NATD1: variants seen among roughly 807,000 people sequenced by gnomAD.
The protein encoded by NATD1 is N-acetyltransferase domain containing 1, also known as protein NATD1.
In NATD1, 9 loss-of-function variants were observed where a neutral mutation model predicts 12.0. The observed-to-expected ratio is 0.75, with a 90% CI of 0.45 to 1.30. The LOEUF (loss-of-function observed/expected upper bound fraction) is 1.30. Ranked by LOEUF, NATD1 falls within the 50% of genes most tolerant of loss-of-function variation. The probability of loss-of-function intolerance (pLI) is 0.00; values close to 1 mark genes in which losing one functional copy is unlikely to be tolerated. For synonymous variants in NATD1, 71 were observed against 65.9 expected (o/e 1.08, Z -0.37); for missense variants, 148 against 148.5 (o/e 1.00, Z 0.02).
intron 2 of NATD1, among the ~76,000 whole-genome samples, chr17:21,243,640 C>T (rs929547125): frequency 1.4e-4 from 21 of 152,210 alleles, no homozygotes; most frequent in Admixed American, 4.6e-4. Context: ...CCTACAAGCC[C>T]CCTTGCCCCA....
At chr17:21,253,085 C>T (rs1040287354) in intron 1 of NATD1, 74 bp downstream of exon 1, 5 of 782,616 alleles carry the variant, frequency 6.4e-6, no homozygotes, top group Admixed American at 6.3e-5. Context: ...GGACAGGCAC[C>T]CAGCAAGGGG....
intron 1 of NATD1, among the ~76,000 whole-genome samples, chr17:21,247,109 G>C (rs1239434393): frequency 6.6e-6 from 1 of 152,166 alleles, no homozygotes; most frequent in Admixed American, 6.5e-5. Flanking sequence ...AGTGTTTCTG[G>C]AGTAGCCACC....
intron 1 of NATD1, among the ~76,000 whole-genome samples, chr17:21,252,753 G>A (rs940400473): frequency 1.3e-5 from 2 of 152,188 alleles, no homozygotes; most frequent in Non-Finnish European, 2.9e-5. Flanking sequence ...TCAAACAGGA[G>A]CCTTCAGTGG....
chr17:21,252,523 A>G (rs541045675), intron 1 of NATD1, among the ~76,000 whole-genome samples: 1 of 152,300 alleles, frequency 6.6e-6, no homozygotes, highest in Admixed American at 6.5e-5. Context: ...AGGCACACAG[A>G]AGTGAGGCAA....
At chr17:21,247,725 G>C (rs888792402) in intron 1 of NATD1, among the ~76,000 whole-genome samples, 1 of 152,202 alleles carries the variant, frequency 6.6e-6, no homozygotes, top group Admixed American at 6.5e-5. Context: ...CTGAGGTCTG[G>C]AGCTCTCAAG....
chr17:21,252,867 G>C (rs1166320210), intron 1 of NATD1, among the ~76,000 whole-genome samples: 1 of 151,916 alleles, frequency 6.6e-6, no homozygotes, highest in African/African-American at 2.4e-5. Flanking sequence ...CTTTCCAGGG[G>C]CCCCTGTCCG....
rs933716181 is a variant in NATD1 at position 21,239,015 on chromosome 17, A to G, written c.*4298T>C. On this transcript the variant is annotated 3_prime_UTR_variant, in exon 3 of 3. Transcript: ENST00000611551. The stretch of plus-strand genomic sequence containing the variant: ...TTGCCGGAACTCTTATGTAAAGTTT[A>G]GGGCATTGGATCTGGAAGGAGTGGG... 1 of 152,266 alleles carries G rather than the reference A, an allele frequency of 6.6e-6. No homozygotes were observed. The highest frequency in any genetic ancestry group is 1.5e-5 in the Non-Finnish European group (1 of 68,042). 9.4% of individuals were successfully genotyped at this position (152,266 alleles called of 1,614,324 possible). A position where few individuals can be genotyped will look rare whatever the true frequency, so the allele number is the denominator to read the frequency against.
rs192247976 is a variant in NATD1, at chr17:21,246,682, T to C, written c.107-2458A>G. ...CAGCCTGGGTGACAGAGTGAGACCC[T>C]GTCTCTAAATAAATACATACATCAC... On this transcript the variant is annotated intron_variant, in intron 1 of 2. Transcript: ENST00000611551. Among the ~76,000 whole-genome samples, 961 of 152,168 alleles carry C rather than the reference T, an allele frequency of 6.3e-3. 12 individuals carry two copies. The highest frequency in any genetic ancestry group is 0.022 in the African/African-American group (917 of 41,506).
chr17:21,246,095 G>A (rs1975322387), intron 1 of NATD1, among the ~76,000 whole-genome samples: 1 of 152,188 alleles, frequency 6.6e-6, no homozygotes, highest in Admixed American at 6.5e-5. Context: ...CAGGCTCATT[G>A]AGGGCCTACT....
chr17:21,250,334 T>C (rs1476009746), intron 1 of NATD1, among the ~76,000 whole-genome samples: 2 of 152,224 alleles, frequency 1.3e-5, no homozygotes, highest in East Asian at 3.8e-4. Context: ...TTCACTTAAA[T>C]GCCACCCTCC....
In NATD1 at chr17:21,244,667, C is replaced by T. The variant is rs978287026; in HGVS notation, c.107-443G>A. Among the ~76,000 whole-genome samples the T allele has an allele frequency of 2.6e-5, 4 of 152,150 alleles. No homozygotes were observed. Among genetic ancestry groups the T allele is most frequent in the African/African-American group, 4.8e-5 (2 of 41,416 alleles). On this transcript the variant is annotated intron_variant, in intron 1 of 2. Coordinates refer to ENST00000611551, the MANE Select transcript of NATD1 (RefSeq NM_152914.3). This position sits in a 1 kb window ranked among gnomAD's most constrained non-coding sequence, Gnocchi z 5.2. ...GAGCATGAAGAGATTAGAGAGGCAG[C>T]GCTGCGCCACGCATCAGGACCACCT...
intron 1 of NATD1, among the ~76,000 whole-genome samples, chr17:21,249,307 C>T (rs1403658555): frequency 6.6e-6 from 1 of 152,202 alleles, no homozygotes; most frequent in Non-Finnish European, 1.5e-5. Context: ...AGCAGACACC[C>T]TGGCCGGCTT....
At chr17:21,247,961 G>A (rs192956930) in intron 1 of NATD1, among the ~76,000 whole-genome samples, 167 of 152,300 alleles carry the variant, frequency 1.1e-3, no homozygotes, top group African/African-American at 3.4e-3. Context: ...TGAGAGTCAC[G>A]GAGGTGTATG....
At chr17:21,243,507 G>A in intron 2 of NATD1, 78 bp from the exon 3 acceptor site, 1 of 1,160,208 alleles carries the variant, frequency 8.6e-7, no homozygotes, top group South Asian at 1.3e-5. Flanking sequence ...TGCCTCCCCA[G>A]GCCCGGCTCC....
At chr17:21,252,529 G>A (rs1212135826) in intron 1 of NATD1, among the ~76,000 whole-genome samples, 1 of 152,172 alleles carries the variant, frequency 6.6e-6, no homozygotes, top group African/African-American at 2.4e-5. Flanking sequence ...ACAGAAGTGA[G>A]GCAAATGGCC....
At chr17:21,247,718 A>G (rs1975338385) in intron 1 of NATD1, among the ~76,000 whole-genome samples, 1 of 152,120 alleles carries the variant, frequency 6.6e-6, no homozygotes, top group African/African-American at 2.4e-5. Flanking sequence ...TGCTAGTCTG[A>G]GGTCTGGAGC....
Position 21,243,827 on chromosome 17 carries a change from T to G in NATD1, c.225+279A>C, listed in dbSNP as rs534753393. Among the ~76,000 whole-genome samples the G allele has an allele frequency of 3.8e-3, 586 of 152,208 alleles. 4 individuals are homozygous for G. The highest frequency in any genetic ancestry group is 5.0e-3 in the Non-Finnish European group (340 of 67,984). ...GCCCAAACCTGCTCTCCAGGCAGCC[T>G]GGGGTTTGGGATGCCCTGAGGATGA... On this transcript the variant is annotated intron_variant, in intron 2 of 2. Transcript: ENST00000611551.
intron 1 of NATD1, among the ~76,000 whole-genome samples, chr17:21,246,678 A>G (rs1412286956): frequency 6.6e-6 from 1 of 152,002 alleles, no homozygotes; most frequent in Non-Finnish European, 1.5e-5. Context: ...ACAGAGTGAG[A>G]CCCTGTCTCT....
In NATD1 at chr17:21,242,237, T is replaced by A. The variant is rs939280948; in HGVS notation, c.*1076A>T. On this transcript the variant is annotated 3_prime_UTR_variant, in exon 3 of 3. Coordinates refer to ENST00000611551, the MANE Select transcript of NATD1 (RefSeq NM_152914.3). ...TGGAAAGGCTGGTCCCACCAAAGCA[T>A]GCTAGTGTGTCTCCCAGGCTGCACC... 6.6e-6 allele frequency: 1 copy of A among 152,260 alleles called. No individual in the cohort carries two copies. Among genetic ancestry groups the A allele is most frequent in the Non-Finnish European group, 1.5e-5 (1 of 68,122 alleles). 9.4% of individuals were successfully genotyped at this position (152,260 alleles called of 1,614,324 possible).
Sources: gnomAD v4.1 joint callset for allele counts (sites outside exome capture counted in the v4.1 genomes callset) on GRCh38, gnomAD v4.1.1 for gene constraint, Gnocchi (gnomAD v3.1) non-coding constraint, MANE v1.5 for transcripts, NCBI Gene and HGNC (gene_info 2026-07-23, HGNC 2026-07-21) for gene names.